The following CFAP54 variants were observed in gnomAD, a reference collection of about 807,000 sequenced individuals.
The protein encoded by CFAP54 is cilia and flagella associated protein 54, also known as cilia- and flagella-associated protein 54.
A neutral mutation model predicts 370.4 loss-of-function variants in CFAP54; 290 were observed. The observed-to-expected ratio is 0.78, with a 90% CI of 0.71 to 0.86. The LOEUF (loss-of-function observed/expected upper bound fraction) is 0.86. CFAP54 is among the 40% of genes least tolerant of loss of function. CFAP54 has a pLI of 0.00. For synonymous variants in CFAP54, 1,206 were observed against 1,236.5 expected (o/e 0.98, Z 0.52); for missense variants, 3,399 against 3,528.7 (o/e 0.96, Z 0.93).
At chr12:96,549,078 T>C (rs1955668933) in intron 15 of CFAP54, among the ~76,000 whole-genome samples, 1 of 152,148 alleles carries the variant, frequency 6.6e-6, no homozygotes, top group Non-Finnish European at 1.5e-5. Context: ...ATGGTCTCGA[T>C]CTCCTGACCT....
At chr12:96,822,682 C>A (rs1357201524) in intron 65 of CFAP54, among the ~76,000 whole-genome samples, 2 of 152,156 alleles carry the variant, frequency 1.3e-5, no homozygotes, top group African/African-American at 2.4e-5. Flanking sequence ...AGTCTGATGT[C>A]CCAAACCATT....
intron 14 of CFAP54, among the ~76,000 whole-genome samples, chr12:96,542,249 T>C (rs1451625111): frequency 2.0e-5 from 3 of 152,200 alleles, no homozygotes. Context: ...TTGATTGTTA[T>C]CAATATCACC....
intron 1 of CFAP54, among the ~76,000 whole-genome samples, chr12:96,493,408 G>C (rs1242236030): frequency 6.6e-6 from 1 of 152,198 alleles, no homozygotes; most frequent in Non-Finnish European, 1.5e-5. Context: ...AGGCACTCTG[G>C]ATACAGCAGT....
At chr12:96,809,340 C>T (rs751663967) in intron 63 of CFAP54, among the ~76,000 whole-genome samples, 4 of 151,928 alleles carry the variant, frequency 2.6e-5, no homozygotes, top group African/African-American at 7.3e-5. Flanking sequence ...GTTTACTTTT[C>T]TCATTTTTTT....
chr12:96,645,826 C>T (rs1360993060), intron 33 of CFAP54: 2 of 152,028 alleles, frequency 1.3e-5, no homozygotes, highest in African/African-American at 2.4e-5. Context: ...CTTTGACAAA[C>T]CTGACAAAAA....
chr12:96,546,619 A>G (rs973236397), intron 14 of CFAP54, among the ~76,000 whole-genome samples: 11 of 152,210 alleles, frequency 7.2e-5, no homozygotes, highest in African/African-American at 2.7e-4. Flanking sequence ...ACATGAGGTC[A>G]GGAGTTCAAG....
intron 42 of CFAP54, among the ~76,000 whole-genome samples, chr12:96,685,461 C>G (rs966448909): frequency 2.6e-5 from 4 of 152,150 alleles, no homozygotes; most frequent in African/African-American, 9.7e-5. Context: ...ATCAGTGTCA[C>G]CCGGGCCCAG....
At chr12:96,662,001 A>G (rs957426674) in intron 38 of CFAP54, among the ~76,000 whole-genome samples, 1 of 152,186 alleles carries the variant, frequency 6.6e-6, no homozygotes, top group South Asian at 2.1e-4. Context: ...CTCACACCCC[A>G]CTTCCAACTG....
chr12:96,706,225 A>G (rs919099045), intron 47 of CFAP54, among the ~76,000 whole-genome samples: 2 of 152,180 alleles, frequency 1.3e-5, no homozygotes, highest in African/African-American at 4.8e-5. Context: ...TGTAAATTAT[A>G]TAGTGCATTA....
In CFAP54 at chr12:96,623,368, C is replaced by T. The variant is rs74798614; in HGVS notation, c.3772-399C>T. On this transcript the variant is annotated intron_variant, in intron 27 of 67. Coordinates refer to ENST00000524981, the MANE Select transcript of CFAP54 (RefSeq NM_001306084.2). ...CAATTAGCTTAGTTGTAAAGAAGCTCCTTCTGGGAAAAAGAAAGGGAAAAA... is the reference window on the plus strand; with the variant it reads ...CAATTAGCTTAGTTGTAAAGAAGCTTCTTCTGGGAAAAAGAAAGGGAAAAA... 5.1e-3 allele frequency among the ~76,000 whole-genome samples: 780 copies of T among 151,976 alleles called. 5 individuals are homozygous for T. Among genetic ancestry groups the T allele is most frequent in the African/African-American group, 0.018 (743 of 41,428 alleles).
At chr12:96,566,487 GA>G (rs564883566) in intron 19 of CFAP54, among the ~76,000 whole-genome samples, 15 of 152,068 alleles carry the variant, frequency 9.9e-5, no homozygotes, top group Non-Finnish European at 1.8e-4. Context: ...TGGAGGATTA[GA>G]TTTTTTTTAA....
chr12:96,576,460 A>C (rs1225196170), intron 19 of CFAP54, 125 bp from the exon 20 acceptor site: 1 of 687,414 alleles, frequency 1.5e-6, no homozygotes, highest in South Asian at 2.6e-5. Flanking sequence ...TATATATTTG[A>C]GCCTCTGAGG....
In CFAP54 at chr12:96,740,017, G is replaced by A; in HGVS notation, c.7027G>A (p.Val2343Ile). Residue 2343 changes from valine (V) to isoleucine (I), a missense_variant, in exon 51 of 68, where the codon GTA (valine) becomes ATA (isoleucine). By Grantham distance (29) the Val-to-Ile change is conservative. Coordinates refer to ENST00000524981, the MANE Select transcript of CFAP54 (RefSeq NM_001306084.2). ...GGATTCAAAACTTTTTGAAAAGAAG[G>A]TAGTACAGGATGACACAGAGAATCC... Reference protein sequence around the residue: ...LQDSKLFEKKVVQDDTENPVS... With the variant: ...LQDSKLFEKKIVQDDTENPVS... 6.2e-7 allele frequency: 1 copy of A among 1,607,954 alleles called. No individual in the cohort carries two copies. Among genetic ancestry groups the A allele is most frequent in the Non-Finnish European group, 8.5e-7 (1 of 1,175,976 alleles).
intron 67 of CFAP54, among the ~76,000 whole-genome samples, chr12:96,870,880 A>G (rs1390475689): frequency 6.6e-6 from 1 of 152,220 alleles, no homozygotes; most frequent in Non-Finnish European, 1.5e-5. Flanking sequence ...AAGGAATGGT[A>G]ATCCTTGAAA....
intron 33 of CFAP54, chr12:96,645,866 A>G (rs1012266745): frequency 6.6e-6 from 1 of 152,286 alleles, no homozygotes; most frequent in African/African-American, 2.4e-5. Context: ...TCCCTATTTA[A>G]TAAATGGTGC....
intron 17 of CFAP54, among the ~76,000 whole-genome samples, chr12:96,560,873 T>C: frequency 6.6e-6 from 1 of 152,240 alleles, no homozygotes; most frequent in East Asian, 1.9e-4. Flanking sequence ...GAATTAATTA[T>C]TACAGTGGTT....
chr12:96,792,525 A>G (rs996683220), intron 63 of CFAP54, 26 bp downstream of exon 63: 1 of 1,483,544 alleles, frequency 6.7e-7, no homozygotes, highest in African/African-American at 1.4e-5. Flanking sequence ...ATAGAACTCA[A>G]TATTTCATTT....
At chr12:96,822,668 A>G (rs61938373) in intron 65 of CFAP54, among the ~76,000 whole-genome samples, 495 of 152,314 alleles carry the variant, frequency 3.2e-3, no homozygotes, top group Non-Finnish European at 4.9e-3. Flanking sequence ...AAAGTGTGGC[A>G]GTCAGTCTGA....
chr12:96,785,818 C>T (rs970829103), intron 61 of CFAP54, among the ~76,000 whole-genome samples: 1 of 152,128 alleles, frequency 6.6e-6, no homozygotes, highest in Non-Finnish European at 1.5e-5. Flanking sequence ...ACAGGGTTTC[C>T]GCAGACACAG....
Sources: allele counts gnomAD v4.1 joint callset (sites outside exome capture counted in the v4.1 genomes callset), GRCh38; gene constraint gnomAD v4.1.1; transcripts MANE v1.5; gene names NCBI Gene and HGNC (gene_info 2026-07-23, HGNC 2026-07-21).